Variants in PURG observed in about 807,000 individuals in gnomAD.
PURG encodes purine-rich element-binding protein gamma.
A neutral mutation model predicts 24.3 loss-of-function variants in PURG; 3 were observed. The observed-to-expected ratio is 0.12, with a 90% CI of 0.06 to 0.32. The LOEUF is 0.32. PURG is among the 10% of genes least tolerant of loss of function. The pLI, the probability that PURG is intolerant of heterozygous loss-of-function variation, is 1.00. For missense variants in PURG, 371 were observed against 439.1 expected (o/e 0.84, Z 1.39); for synonymous variants, 180 against 173.1 (o/e 1.04, Z -0.31).
In PURG at chr8:31,032,905, C is replaced by T. The variant is rs1356203527; in HGVS notation, c.-6-117G>A. ...CCCGCGACCCCCACGCCGGGCCCGG[C>T]TCCCCCGGCGCCGCAGCGCGGGGCT... On this transcript the variant is annotated intron_variant, in intron 1 of 1. Coordinates refer to ENST00000523392, the MANE Select transcript of PURG (RefSeq NM_001323311.2). This position sits in a 1 kb window ranked among gnomAD's most constrained non-coding sequence, Gnocchi z 5.9. The T allele has an allele frequency of 9.2e-6, 7 of 764,140 alleles. No homozygotes were observed. The highest frequency in any genetic ancestry group is 1.9e-5 in the African/African-American group (1 of 54,004). The allele number at this position is 764,140 out of a possible 1,614,324, so 47.3% of individuals were successfully genotyped here.
intron 1 of PURG, among the ~76,000 whole-genome samples, chr8:31,022,803 T>C (rs1317084943): frequency 6.6e-6 from 1 of 152,232 alleles, no homozygotes; most frequent in Non-Finnish European, 1.5e-5. Flanking sequence ...ATAAACCACA[T>C]TGCTAGTTTG....
At position 31,031,212 on chromosome 8, in the gene PURG, T is replaced by C. The variant is rs1325224635; in HGVS notation, c.*527A>G. ...AATTAGGTAATAAGATTTGATCCTT[T>C]GATGGTATATTCAGTTATTCAACGG... On this transcript the variant is annotated 3_prime_UTR_variant, in exon 2 of 2. Coordinates refer to ENST00000523392, the MANE Select transcript of PURG (RefSeq NM_001323311.2). 6.5e-6 allele frequency: 1 copy of C among 153,398 alleles called. No individual in the cohort carries two copies. The highest frequency in any genetic ancestry group is 1.5e-5 in the Non-Finnish European group (1 of 68,598). 9.5% of individuals were successfully genotyped at this position (153,398 alleles called of 1,614,324 possible).
chr8:31,023,303 C>T lies in PURG; in HGVS notation c.864+8616G>A, dbSNP rs1488702708. On this transcript the variant is annotated intron_variant, in intron 1 of 1. Coordinates refer to the PURG transcript ENST00000339382. Reference sequence around the variant, plus strand: ...GTTTCCGTAATGGAATTTATGTGCACAGAAACTTTTGAAATTAGCAAAATA... The same window carrying T: ...GTTTCCGTAATGGAATTTATGTGCATAGAAACTTTTGAAATTAGCAAAATA... Among the ~76,000 whole-genome samples the T allele has an allele frequency of 3.3e-5, 5 of 152,140 alleles. No homozygotes were observed. In the East Asian group the frequency reaches 9.6e-4, roughly 29 times the overall value.
chr8:31,010,743 T>C (rs1810747028), intron 1 of PURG, among the ~76,000 whole-genome samples: 1 of 152,166 alleles, frequency 6.6e-6, no homozygotes, highest in South Asian at 2.1e-4. Flanking sequence ...GACAGTGATA[T>C]TGAACTAATC....
At chr8:31,017,916 T>C (rs919641940) in intron 1 of PURG, among the ~76,000 whole-genome samples, 1 of 152,192 alleles carries the variant, frequency 6.6e-6, no homozygotes, top group Non-Finnish European at 1.5e-5. Context: ...TATCCAATAA[T>C]TTGGTTTTCC....
intron 1 of PURG, among the ~76,000 whole-genome samples, chr8:31,008,018 T>C (rs1810687883): frequency 6.6e-6 from 1 of 152,184 alleles, no homozygotes; most frequent in Admixed American, 6.5e-5. Context: ...TGCTTTTTGT[T>C]TCCTGTGCAA....
chr8:31,026,607 AAT>A (rs1811093757), downstream of PURG, among the ~76,000 whole-genome samples: 2 of 146,254 alleles, frequency 1.4e-5, no homozygotes, highest in East Asian at 4.0e-4. Context: ...TAGTATATAT[AAT>A]ATGTTTTCAT....
intron 1 of PURG, among the ~76,000 whole-genome samples, chr8:31,000,713 G>T (rs748952794): frequency 2.6e-5 from 4 of 152,144 alleles, no homozygotes; most frequent in African/African-American, 4.8e-5. Context: ...TCCCTTCCTT[G>T]AGCATCTGAA....
At position 31,031,763 on chromosome 8, in the gene PURG, A is replaced by G. The variant is rs896004805; in HGVS notation, c.1020T>C (p.Gly340=). The stretch of plus-strand genomic sequence containing the variant: ...TCTAGTCGAGGCATTCTTGTTCTTC[A>G]CCACTGGCCTTTCTGCCATCCATTC... ...EKRMDGRKAS[G]EEQECLD is the part of the protein sequence containing the mutation. The change falls in exon 2 of 2, where the codon GGT becomes GGC. Residue 340 remains glycine (G), a synonymous_variant. Transcript: ENST00000523392. 2 of 1,550,608 alleles carry G rather than the reference A, an allele frequency of 1.3e-6. No individual in the cohort carries two copies.
In PURG at chr8:31,032,771, G is replaced by A. The variant is rs961170828; in HGVS notation, c.12C>T (p.Ala4=). 3.5e-6 allele frequency: 5 copies of A among 1,430,442 alleles called. No homozygotes were observed. The African/African-American group carries it at 7.3e-5, about 21-fold the overall frequency. The allele number at this position is 1,430,442 out of a possible 1,614,324, so 88.6% of individuals were successfully genotyped here. MER[A]RRRGGGGGRG... ...GGCCGCCGCCGCCTCCCCTTCGCCT[G>A]GCTCTTTCCATCTTCAGCTGCAAGT... Residue 4 remains alanine, a synonymous_variant, in exon 2 of 2, where the codon GCC becomes GCT. Coordinates refer to ENST00000523392, the MANE Select transcript of PURG (RefSeq NM_001323311.2). This position sits in a 1 kb window ranked among gnomAD's most constrained non-coding sequence, Gnocchi z 5.9.
chr8:31,000,178 C>T (rs1810510584), intron 1 of PURG, among the ~76,000 whole-genome samples: 1 of 152,092 alleles, frequency 6.6e-6, no homozygotes, highest in South Asian at 2.1e-4. Flanking sequence ...AATTTTCATG[C>T]TTCTATTTCT....
At position 31,032,858 on chromosome 8, in the gene PURG, C is replaced by T. The variant is rs931213467; in HGVS notation, c.-6-70G>A. ...GTTGAGAACAATCGCAGACGCCCCT[C>T]GGCCTGACCGCCCCGCCGCCGCCCG... On this transcript the variant is annotated intron_variant, in intron 1 of 1. Transcript: ENST00000523392. This position sits in a 1 kb window ranked among gnomAD's most constrained non-coding sequence, Gnocchi z 5.9. 2.6e-6 allele frequency: 3 copies of T among 1,159,674 alleles called. No homozygotes were observed. The highest frequency in any genetic ancestry group is 1.6e-5 in the African/African-American group (1 of 62,806). The allele number at this position is 1,159,674 out of a possible 1,614,324, so 71.8% of individuals were successfully genotyped here.
rs765564331 is a variant in PURG, at chr8:31,031,965, C to T, written c.818G>A (p.Arg273Lys). The change falls in exon 2 of 2, where the codon AGG becomes AAG. Residue 273 changes from arginine to lysine, a missense_variant. Around this residue, in one of 5 missense-constraint regions of PURG, gnomAD observed 103 missense variants for 127.7 expected, o/e 0.81. Transcript: ENST00000523392. ...EGTSFRVDNK[R>K]FYFDVGSNKY... ...ATTAGAGCCCACATCAAAGTAGAAC[C>T]TTTTATTGTCCACTCTGAAAGAAGT... 3.7e-6 allele frequency: 6 copies of T among 1,614,016 alleles called. No individual in the cohort carries two copies. The African/African-American group carries it at 6.7e-5, about 18-fold the overall frequency.
rs1811273444 is a variant in PURG at position 31,032,868 on chromosome 8, G to GT, written c.-6-81_-6-80insA. 1.1e-5 allele frequency: 12 copies of GT among 1,107,914 alleles called. No individual in the cohort carries two copies. The highest frequency in any genetic ancestry group is 1.3e-5 in the Non-Finnish European group (11 of 877,424). 68.6% of individuals were successfully genotyped at this position (1,107,914 alleles called of 1,614,324 possible). A position where few individuals can be genotyped will look rare whatever the true frequency, so the allele number is the denominator to read the frequency against. On this transcript the variant is annotated intron_variant, in intron 1 of 1. Coordinates refer to ENST00000523392, the MANE Select transcript of PURG (RefSeq NM_001323311.2). This position sits in a 1 kb window ranked among gnomAD's most constrained non-coding sequence, Gnocchi z 5.9. ...ATCGCAGACGCCCCTCGGCCTGACCGCCCCGCCGCCGCCCGCGACCCCCAC... is the reference window on the plus strand; with the variant it reads ...ATCGCAGACGCCCCTCGGCCTGACCGTCCCCGCCGCCGCCCGCGACCCCCAC...
intron 1 of PURG, among the ~76,000 whole-genome samples, chr8:31,021,157 TTG>T (rs1348311469): frequency 2.0e-5 from 3 of 152,122 alleles, no homozygotes; most frequent in African/African-American, 7.2e-5. Flanking sequence ...GCAGGAAAAG[TTG>T]TGAGACATCA....
intron 1 of PURG, among the ~76,000 whole-genome samples, chr8:31,002,514 C>G (rs969997653): frequency 1.3e-5 from 2 of 152,138 alleles, no homozygotes; most frequent in East Asian, 1.9e-4. Context: ...GACAGGGTCT[C>G]TCTCTGAAGC....
At chr8:31,024,808 AC>A (rs1250984349) in intron 1 of PURG, among the ~76,000 whole-genome samples, 17 of 152,106 alleles carry the variant, frequency 1.1e-4, no homozygotes, top group African/African-American at 2.7e-4. Flanking sequence ...GACAAAAAAA[AC>A]AACATAAGCT....
intron 1 of PURG, among the ~76,000 whole-genome samples, chr8:31,021,041 T>C (rs1810979426): frequency 6.6e-6 from 1 of 152,100 alleles, no homozygotes; most frequent in Non-Finnish European, 1.5e-5. Flanking sequence ...AAAATATGTA[T>C]CTGTAAATGG....
intron 1 of PURG, among the ~76,000 whole-genome samples, chr8:31,020,296 A>G (rs1012763851): frequency 1.3e-5 from 2 of 152,240 alleles, no homozygotes; most frequent in Admixed American, 6.5e-5. Context: ...CTGTTTACTT[A>G]GCGTATTCTA....
Sources: gnomAD v4.1 joint callset for allele counts (sites outside exome capture counted in the v4.1 genomes callset) on GRCh38, gnomAD v4.1.1 for gene constraint, gnomAD v4.1.1 regional missense constraint, Gnocchi (gnomAD v3.1) non-coding constraint, MANE v1.5 for transcripts, NCBI Gene and HGNC (gene_info 2026-07-23, HGNC 2026-07-21) for gene names.